The following LIMCH1 variants were observed in gnomAD, a reference collection of about 807,000 sequenced individuals.
The protein encoded by LIMCH1 is LIM and calponin homology domains-containing protein 1.
A neutral mutation model predicts 176.5 loss-of-function variants in LIMCH1; 113 were observed. That is an observed-to-expected ratio of 0.64 (90% CI 0.55 to 0.75). LIMCH1 has a LOEUF of 0.75. Ranked by LOEUF, LIMCH1 falls within the 30% of genes least tolerant of loss-of-function variation. LIMCH1 has a pLI of 0.00. For synonymous variants in LIMCH1, 619 were observed against 645.9 expected (o/e 0.96, Z 0.63); for missense variants, 1,674 against 1,814.9 (o/e 0.92, Z 1.41).
intron 1 of LIMCH1, among the ~76,000 whole-genome samples, chr4:41,484,086 C>G (rs1261032710): frequency 2.0e-5 from 3 of 152,206 alleles, no homozygotes; most frequent in Non-Finnish European, 4.4e-5. Context: ...GCATTTAGAA[C>G]AGAGAGGGCA....
chr4:41,574,843 G>A (rs553506159), intron 1 of LIMCH1, among the ~76,000 whole-genome samples: 6 of 152,272 alleles, frequency 3.9e-5, no homozygotes, highest in Non-Finnish European at 7.4e-5. Context: ...CTTGCTGGCC[G>A]TATGACCTTG....
chr4:41,639,676 C>T (rs765009819), intron 14 of LIMCH1, among the ~76,000 whole-genome samples: 28 of 152,296 alleles, frequency 1.8e-4, no homozygotes, highest in Admixed American at 8.5e-4. Context: ...ATGGATTTCC[C>T]ATATGCAGAT....
chr4:41,585,836 G>A (rs1328083615), intron 1 of LIMCH1, among the ~76,000 whole-genome samples: 2 of 152,058 alleles, frequency 1.3e-5, no homozygotes, highest in African/African-American at 4.8e-5. Context: ...ACTACCATTG[G>A]TTACACAGTT....
chr4:41,504,442 T>C (rs1370801788), intron 2 of LIMCH1, among the ~76,000 whole-genome samples: 1 of 152,202 alleles, frequency 6.6e-6, no homozygotes. Context: ...ATCAGAACAA[T>C]TCCTTTTTGC....
intron 1 of LIMCH1, among the ~76,000 whole-genome samples, chr4:41,374,203 T>TG (rs2054391351): frequency 6.6e-6 from 1 of 151,998 alleles, no homozygotes; most frequent in African/African-American, 2.4e-5. Context: ...AGTAAAGAGC[T>TG]GGGGGCAGGA....
At chr4:41,398,758 T>G (rs1420470735) in intron 1 of LIMCH1, among the ~76,000 whole-genome samples, 1 of 151,668 alleles carries the variant, frequency 6.6e-6, no homozygotes, top group African/African-American at 2.4e-5. Context: ...TAGGGAAAGG[T>G]GGACAAAGAG....
intron 1 of LIMCH1, among the ~76,000 whole-genome samples, chr4:41,587,305 C>T (rs6846872): frequency 0.35 from 53,039 of 152,080 alleles, 14,812 homozygotes; most frequent in African/African-American, 0.78. Context: ...CTACTCCTCC[C>T]TGGCCAAGGA....
At position 41,644,562 on chromosome 4, in the gene LIMCH1, C is replaced by T; in HGVS notation, c.2189C>T (p.Ala730Val). The change falls in exon 15 of 32, where the codon GCC (alanine) becomes GTC (valine). Residue 730 changes from alanine to valine, a missense_variant. Ala to Val is a moderately conservative substitution (Grantham distance 64, BLOSUM62 0). Transcript: ENST00000503057. ...GCCGCGGTGCAGCCGCACAGCAGGG[C>T]CCGCCAGGAGCAGCTGCAGCTGATA... Reference protein sequence around the residue: ...EEAAVQPHSRARQEQLQLINN... With the variant: ...EEAAVQPHSRVRQEQLQLINN... The T allele has an allele frequency of 1.2e-6, 2 of 1,607,836 alleles. No homozygotes were observed. Among genetic ancestry groups the T allele is most frequent in the South Asian group, 1.1e-5 (1 of 89,512 alleles).
Position 41,611,795 on chromosome 4 carries a change from T to C in LIMCH1, c.10-1671T>C, listed in dbSNP as rs557834735. ...ACCTTTGTTTTTTAGCCATTTGGCC[T>C]ATTCTCAGTAGGTAAATAATCCAAG... On this transcript the variant is annotated intron_variant, in intron 4 of 31. Transcript: ENST00000503057. Among the ~76,000 whole-genome samples the C allele has an allele frequency of 8.5e-5, 13 of 152,384 alleles. No individual in the cohort carries two copies. In the South Asian group the frequency reaches 2.7e-3, roughly 32 times the overall value.
intron 3 of LIMCH1, among the ~76,000 whole-genome samples, chr4:41,525,327 G>A (rs1010567555): frequency 3.3e-5 from 5 of 152,224 alleles, no homozygotes; most frequent in Admixed American, 1.3e-4. Context: ...CGCCTTCTGC[G>A]CATGTAGTTT....
intron 1 of LIMCH1, among the ~76,000 whole-genome samples, chr4:41,384,555 CTT>C (rs1581319208): frequency 6.6e-6 from 1 of 152,064 alleles, no homozygotes; most frequent in East Asian, 1.9e-4. Flanking sequence ...AGTCAATAAA[CTT>C]TGAATAAGTG....
At chr4:41,547,853 T>TTGTG (rs1280178003) in intron 1 of LIMCH1, among the ~76,000 whole-genome samples, 11 of 102,702 alleles carry the variant, frequency 1.1e-4, no homozygotes, top group African/African-American at 3.7e-4. Context: ...GATATATAAT[T>TTGTG]TGTGTGTGTG....
intron 1 of LIMCH1, among the ~76,000 whole-genome samples, chr4:41,374,258 G>C (rs1008667889): frequency 6.6e-6 from 1 of 152,088 alleles, no homozygotes; most frequent in African/African-American, 2.4e-5. Context: ...GCCAGTGTTG[G>C]CTTTAGACAT....
chr4:41,587,110 A>C (rs1270211662), intron 1 of LIMCH1, among the ~76,000 whole-genome samples: 1 of 152,180 alleles, frequency 6.6e-6, no homozygotes, highest in African/African-American at 2.4e-5. Flanking sequence ...ATAGTTCCAA[A>C]AGAATAAAGC....
rs188213706 is a variant in LIMCH1, at chr4:41,447,797, T to C, written c.97-46739T>C. 2.0e-3 allele frequency among the ~76,000 whole-genome samples: 309 copies of C among 152,236 alleles called. 1 individual carries two copies. The highest frequency in any genetic ancestry group is 3.5e-3 in the Non-Finnish European group (237 of 68,014). ...GCTAGTGGGTTGGGAGTAGCATTTT[T>C]TTTTCGTTTTTGAGACAGGGTCTCC... is the stretch of plus-strand genomic sequence containing the variant. On this transcript the variant is annotated intron_variant, in intron 1 of 26. Transcript: ENST00000313860.
At chr4:41,509,964 C>G (rs2074666421) in intron 2 of LIMCH1, among the ~76,000 whole-genome samples, 1 of 152,190 alleles carries the variant, frequency 6.6e-6, no homozygotes, top group African/African-American at 2.4e-5. Context: ...TCAAGCTCAT[C>G]CATCTTTGTA....
chr4:41,554,688 A>G (rs1187884197), intron 1 of LIMCH1, among the ~76,000 whole-genome samples: 2 of 152,046 alleles, frequency 1.3e-5, no homozygotes, highest in Admixed American at 6.6e-5. Flanking sequence ...TTTTGTCCAT[A>G]TATACTGCTG....
chr4:41,651,247 C>G (rs1177017551), intron 18 of LIMCH1, among the ~76,000 whole-genome samples: 7 of 152,066 alleles, frequency 4.6e-5, no homozygotes, highest in Non-Finnish European at 8.8e-5. Flanking sequence ...TCAAGTGATC[C>G]ACCCACCTCA....
chr4:41,671,057 T>TAA (rs1218260941), intron 21 of LIMCH1: 7 of 820,742 alleles, frequency 8.5e-6, no homozygotes, highest in African/African-American at 2.0e-5. Context: ...TCCCCTGCCT[T>TAA]TAAAAAAAAA....
Sources: allele counts gnomAD v4.1 joint callset (sites outside exome capture counted in the v4.1 genomes callset), GRCh38; gene constraint gnomAD v4.1.1; transcripts MANE v1.5; gene names NCBI Gene and HGNC (gene_info 2026-07-23, HGNC 2026-07-21).